Variants in ITPR2 observed in about 807,000 individuals in gnomAD.
The protein encoded by ITPR2 is inositol 1,4,5-trisphosphate receptor type 2.
In ITPR2, 207 loss-of-function variants were observed where a neutral mutation model predicts 317.1. The ratio of observed to expected loss-of-function variants is 0.65; its 90% confidence interval spans 0.58 to 0.73. The LOEUF is 0.73. ITPR2 is among the 30% of genes least tolerant of loss of function. The probability of loss-of-function intolerance (pLI) is 0.00; values close to 1 mark genes in which losing one functional copy is unlikely to be tolerated. For missense variants in ITPR2, 2,613 were observed against 3,284.0 expected, an observed-to-expected ratio of 0.80 and a Z score of 4.99; for synonymous variants, 1,156 against 1,149.1, an observed-to-expected ratio of 1.01 and a Z score of -0.12.
chr12:26,667,958 C>T (rs1947665138), intron 13 of ITPR2, among the ~76,000 whole-genome samples: 1 of 152,162 alleles, frequency 6.6e-6, no homozygotes, highest in Non-Finnish European at 1.5e-5. Flanking sequence ...CTCTTCATGA[C>T]AAGGCCATGG....
At chr12:26,557,250 C>A (rs1944688581) in intron 35 of ITPR2, among the ~76,000 whole-genome samples, 1 of 152,196 alleles carries the variant, frequency 6.6e-6, no homozygotes, top group Non-Finnish European at 1.5e-5. Flanking sequence ...TATTGGTCAC[C>A]TACCCAACAG....
chr12:26,521,342 T>C (rs1262042197), intron 37 of ITPR2, among the ~76,000 whole-genome samples: 3 of 152,180 alleles, frequency 2.0e-5, no homozygotes, highest in Non-Finnish European at 4.4e-5. Context: ...AAGAGTAAAA[T>C]TTAAGATAAA....
chr12:26,767,828 ACATCT>A (rs1301206561), intron 2 of ITPR2, among the ~76,000 whole-genome samples: 1 of 152,188 alleles, frequency 6.6e-6, no homozygotes, highest in African/African-American at 2.4e-5. Flanking sequence ...CCTGCGATAA[ACATCT>A]CATCTGTTTC....
At chr12:26,646,977 G>A (rs1369122598) in intron 21 of ITPR2, among the ~76,000 whole-genome samples, 1 of 152,160 alleles carries the variant, frequency 6.6e-6, no homozygotes, top group East Asian at 1.9e-4. Flanking sequence ...GCTCTTGGTT[G>A]GTCTTTTGGT....
rs75411143 is a variant in ITPR2 at position 26,336,980 on chromosome 12, G to GGTT, written c.*2416_*2417insAAC. 1 of 137,268 alleles carries GGTT rather than the reference G, an allele frequency of 7.3e-6. No homozygotes were observed. The highest frequency in any genetic ancestry group is 7.2e-5 in the Admixed American group (1 of 13,828). The allele number at this position is 137,268 out of a possible 1,614,324, so 8.5% of individuals were successfully genotyped here. The stretch of plus-strand genomic sequence containing the variant: ...TTGTCTGCTTCGATTTTTTGTTGCT[G>GGTT]TTTTTTTTTTTTTTGCTTTATAATT... On this transcript the variant is annotated 3_prime_UTR_variant, in exon 57 of 57. Transcript: ENST00000381340.
intron 54 of ITPR2, among the ~76,000 whole-genome samples, chr12:26,391,556 C>CT (rs1555117374): frequency 1.9e-4 from 19 of 98,592 alleles, no homozygotes; most frequent in African/African-American, 5.2e-4. Context: ...TCTTCTTTTC[C>CT]TTTTTTTTTT....
At chr12:26,547,848 TCTGC>T (rs1944426296) in intron 37 of ITPR2, among the ~76,000 whole-genome samples, 1 of 152,246 alleles carries the variant, frequency 6.6e-6, no homozygotes, top group Non-Finnish European at 1.5e-5. Context: ...TTATATTCTG[TCTGC>T]CTATGTCTTA....
At position 26,657,810 on chromosome 12, in the gene ITPR2, A is replaced by G. The variant is rs777230596; in HGVS notation, c.2089T>C (p.Trp697Arg). Reference sequence around the variant, plus strand: ...TGAGGTTCCTTGTTGCTGTCAATCCAATAGAGCCAAACTTCTTCATCATCA... The same window carrying G: ...TGAGGTTCCTTGTTGCTGTCAATCCGATAGAGCCAAACTTCTTCATCATCA... ...DIDDEEVWLY[W>R]IDSNKEPHGK... The change falls in exon 18 of 57, where the codon TGG becomes CGG. Residue 697 changes from tryptophan (W) to arginine (R), a missense_variant. Around this residue, in one of 9 missense-constraint regions of ITPR2, gnomAD observed 817 missense variants for 897.6 expected, o/e 0.91. Transcript: ENST00000381340. 6 of 1,614,182 alleles carry G rather than the reference A, an allele frequency of 3.7e-6. No homozygotes were observed. The highest frequency in any genetic ancestry group is 8.5e-7 in the Non-Finnish European group (1 of 1,180,016).
rs201711868 is a variant in ITPR2 at position 26,599,280 on chromosome 12, G to A, written c.3867C>T (p.Ser1289=). Residue 1289 remains serine, a synonymous_variant, in exon 30 of 57, where the codon AGC becomes AGT. Coordinates refer to ENST00000381340, the MANE Select transcript of ITPR2 (RefSeq NM_002223.4). ...MNNYHLCNEI[S]ERVVQHFVHC... is the part of the protein sequence containing the mutation. ...GCACAAAGTGTTGTACAACTCTCTCGCTAATTTCGTTGCACAGATGGTAAT... is the reference window on the plus strand; with the variant it reads ...GCACAAAGTGTTGTACAACTCTCTCACTAATTTCGTTGCACAGATGGTAAT... 205 of 1,614,002 alleles carry A rather than the reference G, an allele frequency of 1.3e-4. No individual in the cohort carries two copies. The African/African-American group carries it at 2.5e-3, about 20-fold the overall frequency.
intron 37 of ITPR2, among the ~76,000 whole-genome samples, chr12:26,536,769 G>A (rs1944104384): frequency 6.6e-6 from 1 of 152,214 alleles, no homozygotes; most frequent in African/African-American, 2.4e-5. Flanking sequence ...CACCCCTGAT[G>A]ATGGCAGTGC....
At chr12:26,513,054 G>A (rs910263293) in intron 37 of ITPR2, among the ~76,000 whole-genome samples, 4 of 151,972 alleles carry the variant, frequency 2.6e-5, no homozygotes, top group African/African-American at 9.7e-5. Context: ...TCTTGGCCAG[G>A]CTGATCTTGA....
chr12:26,345,547 T>C (rs558187733), intron 55 of ITPR2, among the ~76,000 whole-genome samples: 2 of 152,344 alleles, frequency 1.3e-5, no homozygotes, highest in Admixed American at 6.5e-5. Context: ...TGTAGTTGAC[T>C]GTGGGTAACT....
At chr12:26,615,585 C>T (rs560735280) in intron 26 of ITPR2, among the ~76,000 whole-genome samples, 3 of 152,118 alleles carry the variant, frequency 2.0e-5, no homozygotes, top group Admixed American at 1.3e-4. Flanking sequence ...AGTTAAAGTA[C>T]CACTATTTAA....
rs146963489 is a variant in ITPR2, at chr12:26,520,520, G to A, written c.5074-25260C>T. 3.0e-3 allele frequency among the ~76,000 whole-genome samples: 453 copies of A among 152,228 alleles called. 12 individuals carry two copies. Among genetic ancestry groups the A allele is most frequent in the Admixed American group, 0.027 (412 of 15,288 alleles). On this transcript the variant is annotated intron_variant, in intron 37 of 56. Transcript: ENST00000381340. ...AACACGCCTTTCCCTCAGAAATAGC[G>A]GCTCCTGGTCTTTGCCAGTGGTCCC...
At chr12:26,451,316 C>T (rs920230979) in intron 45 of ITPR2, among the ~76,000 whole-genome samples, 1 of 150,248 alleles carries the variant, frequency 6.7e-6, no homozygotes, top group Non-Finnish European at 1.5e-5. Context: ...GACCAAAGGA[C>T]CACAGACCTA....
intron 1 of ITPR2, among the ~76,000 whole-genome samples, chr12:26,827,209 G>A (rs547929172): frequency 6.6e-6 from 1 of 152,118 alleles, no homozygotes; most frequent in South Asian, 2.1e-4. Flanking sequence ...TTCTTAAATT[G>A]ATTCTTTAGA....
intron 45 of ITPR2, among the ~76,000 whole-genome samples, chr12:26,455,262 T>C (rs1941852374): frequency 6.6e-6 from 1 of 150,546 alleles, no homozygotes; most frequent in African/African-American, 2.5e-5. Context: ...TCAGGTTTCT[T>C]CAGCTTTCTA....
At chr12:26,566,363 A>AAGGAG (rs1319336724) in intron 34 of ITPR2, among the ~76,000 whole-genome samples, 4 of 126,062 alleles carry the variant, frequency 3.2e-5, no homozygotes, top group Non-Finnish European at 6.7e-5. Flanking sequence ...GAGGAAAGAG[A>AAGGAG]AGGAGAGGAG....
In ITPR2 at chr12:26,488,708, T is replaced by G. The variant is rs149378795; in HGVS notation, c.5371-1457A>C. 6.3e-3 allele frequency among the ~76,000 whole-genome samples: 954 copies of G among 152,276 alleles called. 8 individuals are homozygous for G. Among genetic ancestry groups the G allele is most frequent in the African/African-American group, 0.021 (864 of 41,558 alleles). ...TCTACAATCCCATGAATTAAGCAGATGATAAAGCCCAAATCTTTTCAATAT... is the reference window on the plus strand; with the variant it reads ...TCTACAATCCCATGAATTAAGCAGAGGATAAAGCCCAAATCTTTTCAATAT... On this transcript the variant is annotated intron_variant, in intron 39 of 56. Coordinates refer to ENST00000381340, the MANE Select transcript of ITPR2 (RefSeq NM_002223.4).
Sources: allele counts gnomAD v4.1 joint callset (sites outside exome capture counted in the v4.1 genomes callset), GRCh38; gene constraint gnomAD v4.1.1; regional missense constraint gnomAD v4.1.1; transcripts MANE v1.5; gene names NCBI Gene and HGNC (gene_info 2026-07-23, HGNC 2026-07-21).